The following TUT4 variants were observed in gnomAD, a reference collection of about 807,000 sequenced individuals.
TUT4 encodes terminal uridylyltransferase 4.
In TUT4, 36 loss-of-function variants were observed where a neutral mutation model predicts 192.2. That is an observed-to-expected ratio of 0.19 (90% CI 0.14 to 0.25). TUT4 has a LOEUF of 0.25. Among genes scored for constraint, TUT4 ranks in the 10% least tolerant of loss-of-function variants. The pLI, the probability that TUT4 is intolerant of heterozygous loss-of-function variation, is 1.00. For synonymous variants in TUT4, 618 were observed against 666.0 expected, an observed-to-expected ratio of 0.93 and a Z score of 1.11; for missense variants, 1,493 against 1,957.2, an observed-to-expected ratio of 0.76 and a Z score of 4.47.
Position 52,495,413 on chromosome 1 carries a change from T to C in TUT4, c.1266+14A>G. 1 of 1,519,530 alleles carries C rather than the reference T, an allele frequency of 6.6e-7. No individual in the cohort carries two copies. 94.1% of individuals were successfully genotyped at this position (1,519,530 alleles called of 1,614,324 possible). A position where few individuals can be genotyped will look rare whatever the true frequency, so the allele number is the denominator to read the frequency against. Reference sequence around the variant, plus strand: ...CTAGTTAAGAACCACACAGGAAAGATTCTAATTACTTACCTTGGGAGGAAA... The same window carrying C: ...CTAGTTAAGAACCACACAGGAAAGACTCTAATTACTTACCTTGGGAGGAAA... On this transcript the variant is annotated intron_variant, in intron 6 of 29. Transcript: ENST00000257177.
At chr1:52,462,876 G>C in intron 16 of TUT4, 1 of 985,190 alleles carries the variant, frequency 1.0e-6, no homozygotes, top group Non-Finnish European at 1.2e-6. Context: ...ACTGGAAATA[G>C]CTGAAGGGTA....
In TUT4 at chr1:52,475,326, C is replaced by T; in HGVS notation, c.2233G>A (p.Gly745Ser). 2 of 1,614,060 alleles carry T rather than the reference C, an allele frequency of 1.2e-6. No homozygotes were observed. The highest frequency in any genetic ancestry group is 1.7e-6 in the Non-Finnish European group (2 of 1,180,014). The change falls in exon 13 of 30, where the codon GGT becomes AGT. Residue 745 changes from glycine (G) to serine (S), a missense_variant. By Grantham distance (56) the Gly-to-Ser change is moderately conservative. This residue lies in a region of TUT4 where 245 missense variants were observed against 218.4 expected (regional missense o/e 1.12). Transcript: ENST00000257177. ...PVKSNNMATN[G>S]CILLGETTEK... ...GTGGTTTCCCCAAGCAGAATACAACCATTGGTTGCCATATTGTTCGACTTG... is the reference window on the plus strand; with the variant it reads ...GTGGTTTCCCCAAGCAGAATACAACTATTGGTTGCCATATTGTTCGACTTG...
chr1:52,524,909 C>CT (rs1681313104), intron 2 of TUT4, among the ~76,000 whole-genome samples: 1 of 152,218 alleles, frequency 6.6e-6, no homozygotes, highest in Non-Finnish European at 1.5e-5. Flanking sequence ...CCTGTGTTCC[C>CT]TTTCAGCTGC....
intron 20 of TUT4, among the ~76,000 whole-genome samples, chr1:52,456,169 C>T (rs551904009): frequency 4.0e-5 from 6 of 151,778 alleles, no homozygotes; most frequent in East Asian, 1.9e-4. Context: ...TTTGGGAGGC[C>T]GGGGCGGGTG....
rs532059863 is a variant in TUT4 at position 52,423,931 on chromosome 1, C to T, written c.*4G>A. 2.5e-6 allele frequency: 4 copies of T among 1,612,628 alleles called. No homozygotes were observed. Among genetic ancestry groups the T allele is most frequent in the East Asian group, 2.2e-5 (1 of 44,824 alleles). On this transcript the variant is annotated 3_prime_UTR_variant, in exon 30 of 30. Transcript: ENST00000257177. ...TAGACCAGCTGAAAGAAAATGGACT[C>T]GCATTACTCCGACACGTTTCCTCTT... is the stretch of plus-strand genomic sequence containing the variant.
chr1:52,435,956 A>G (rs569900809), intron 26 of TUT4, among the ~76,000 whole-genome samples: 1 of 151,988 alleles, frequency 6.6e-6, no homozygotes, highest in African/African-American at 2.4e-5. Flanking sequence ...ACCTTTCTGC[A>G]GTAAGAATCT....
chr1:52,533,881 G>A (rs1339378406), intron 1 of TUT4, among the ~76,000 whole-genome samples: 1 of 152,158 alleles, frequency 6.6e-6, no homozygotes, highest in African/African-American at 2.4e-5. Context: ...CACAAAAATC[G>A]TTTGAACCTG....
At chr1:52,520,050 C>G (rs1171961296) in intron 2 of TUT4, among the ~76,000 whole-genome samples, 1 of 152,016 alleles carries the variant, frequency 6.6e-6, no homozygotes, top group Non-Finnish European at 1.5e-5. Context: ...TTTAAGAGAG[C>G]TAGCCATATG....
At position 52,475,137 on chromosome 1, in the gene TUT4, T is replaced by C; in HGVS notation, c.2422A>G (p.Ile808Val). ...TGTTTCTTATCTAATTTTGGCTCTATTTCACTGCTTTTGCTGGTAGAAAGA... is the reference window on the plus strand; with the variant it reads ...TGTTTCTTATCTAATTTTGGCTCTACTTCACTGCTTTTGCTGGTAGAAAGA... ...SSLSTSKSSE[I>V]EPKLDKKQDD... Residue 808 changes from isoleucine (I) to valine (V), a missense_variant, in exon 13 of 30, where the codon ATA (isoleucine) becomes GTA (valine). This residue lies in a region of TUT4 where 245 missense variants were observed against 218.4 expected (regional missense o/e 1.12). Coordinates refer to ENST00000257177, the MANE Select transcript of TUT4 (RefSeq NM_001009881.3). 6.2e-7 allele frequency: 1 copy of C among 1,614,184 alleles called. No homozygotes were observed. Among genetic ancestry groups the C allele is most frequent in the Non-Finnish European group, 8.5e-7 (1 of 1,180,036 alleles).
chr1:52,538,372 A>C (rs574137901), intron 1 of TUT4, among the ~76,000 whole-genome samples: 1 of 152,282 alleles, frequency 6.6e-6, no homozygotes, highest in Non-Finnish European at 1.5e-5. Flanking sequence ...AACTGAGAAA[A>C]AAAAAGGGAG....
intron 27 of TUT4, chr1:52,432,231 A>G (rs1652317941): frequency 6.6e-6 from 1 of 152,248 alleles, no homozygotes; most frequent in Admixed American, 6.5e-5. Flanking sequence ...GAGAGAAGAG[A>G]AATCAGGGAA....
chr1:52,424,838 T>C (rs1649286995), intron 29 of TUT4: 1 of 152,414 alleles, frequency 6.6e-6, no homozygotes, highest in African/African-American at 2.4e-5. Context: ...CTCCATAATA[T>C]GGTCTAAGCC....
At chr1:52,444,148 C>T (rs185937068) in intron 24 of TUT4, among the ~76,000 whole-genome samples, 6 of 152,152 alleles carry the variant, frequency 3.9e-5, no homozygotes, top group Non-Finnish European at 1.5e-5. Context: ...GCAGGAGGAT[C>T]GCTTGAATCC....
chr1:52,513,392 T>TAA (rs1677792845), intron 3 of TUT4, among the ~76,000 whole-genome samples: 1 of 50,676 alleles, frequency 2.0e-5, no homozygotes, highest in African/African-American at 3.0e-4. Context: ...AGACCCTGTC[T>TAA]CAAAAAAAAA....
chr1:52,446,019 T>A lies in TUT4; in HGVS notation c.3692-15A>T. 1 of 1,592,974 alleles carries A rather than the reference T, an allele frequency of 6.3e-7. No individual in the cohort carries two copies. Among genetic ancestry groups the A allele is most frequent in the African/African-American group, 1.4e-5 (1 of 73,534 alleles). On this transcript the variant is annotated splice_polypyrimidine_tract_variant and intron_variant, in intron 22 of 29. Transcript: ENST00000257177. ...GTCAAAAGGGTCTACAAAAGAAATA[T>A]ATCAATGATTAAGAATTACATTCAC...
At chr1:52,425,608 T>G in intron 28 of TUT4, 101 bp from the exon 29 acceptor site, 1 of 1,341,412 alleles carries the variant, frequency 7.5e-7, no homozygotes, top group Non-Finnish European at 9.9e-7. Flanking sequence ...TACCATTGGC[T>G]AAGAACTATG....
At chr1:52,435,554 T>C in intron 26 of TUT4, 89 bp from the exon 27 acceptor site, 2 of 945,364 alleles carry the variant, frequency 2.1e-6, no homozygotes, top group Admixed American at 2.2e-5. Context: ...TGTAAAAGAA[T>C]CTCAAATATC....
chr1:52,483,702 C>A (rs1468803672), intron 9 of TUT4, among the ~76,000 whole-genome samples: 2 of 151,920 alleles, frequency 1.3e-5, no homozygotes. Context: ...CTCAGCTACT[C>A]GGGAGGCTGA....
chr1:52,489,849 C>G (rs775931389), intron 8 of TUT4, among the ~76,000 whole-genome samples: 2 of 152,188 alleles, frequency 1.3e-5, no homozygotes, highest in Non-Finnish European at 2.9e-5. Flanking sequence ...ATAGACTCAT[C>G]TAGCTTTGAA....
Sources: allele counts gnomAD v4.1 joint callset (sites outside exome capture counted in the v4.1 genomes callset), GRCh38; gene constraint gnomAD v4.1.1; regional missense constraint gnomAD v4.1.1; transcripts MANE v1.5; gene names NCBI Gene and HGNC (gene_info 2026-07-23, HGNC 2026-07-21).